Variants in CSTF3 observed in about 807,000 individuals in gnomAD.
The protein encoded by CSTF3 is cleavage stimulation factor subunit 3.
In CSTF3, 29 loss-of-function variants were observed where a neutral mutation model predicts 105.8. The observed-to-expected ratio is 0.27, with a 90% CI of 0.20 to 0.37. The LOEUF (loss-of-function observed/expected upper bound fraction) is 0.37, where lower values mean the gene tolerates loss of function less well. CSTF3 is among the 10% of genes least tolerant of loss of function. The pLI is 1.00. For synonymous variants in CSTF3, 252 were observed against 281.9 expected (o/e 0.89, Z 1.06); for missense variants, 357 against 879.3 (o/e 0.41, Z 7.51).
At chr11:33,091,743 C>T (rs1855171398) in intron 16 of CSTF3, among the ~76,000 whole-genome samples, 1 of 152,280 alleles carries the variant, frequency 6.6e-6, no homozygotes, top group Admixed American at 6.5e-5. Context: ...GAGTCTCACT[C>T]TGTCACCCAG....
At chr11:33,093,504 T>C (rs1855188843) in intron 15 of CSTF3, among the ~76,000 whole-genome samples, 1 of 152,150 alleles carries the variant, frequency 6.6e-6, no homozygotes, top group Non-Finnish European at 1.5e-5. Flanking sequence ...AGCAATATAA[T>C]ACAAGCCACA....
intron 3 of CSTF3, among the ~76,000 whole-genome samples, chr11:33,117,811 A>T (rs1182726804): frequency 6.6e-6 from 1 of 151,960 alleles, no homozygotes. Flanking sequence ...ATACACACCC[A>T]CAGGAACTTT....
chr11:33,155,743 T>C lies in CSTF3; in HGVS notation c.27+5556A>G, dbSNP rs1377673589. 1.4e-4 allele frequency among the ~76,000 whole-genome samples: 22 copies of C among 152,198 alleles called. No individual in the cohort carries two copies. The East Asian group carries it at 4.1e-3, about 28-fold the overall frequency. ...CTTTTTTAGCCCAATTCTCACACCA[T>C]TACCAACTGTCCAACAAAACAAAAC... On this transcript the variant is annotated intron_variant, in intron 1 of 20. Transcript: ENST00000323959.
At position 33,090,634 on chromosome 11, in the gene CSTF3, T is replaced by C; in HGVS notation, c.1539A>G (p.Lys513=). 6.2e-7 allele frequency: 1 copy of C among 1,612,856 alleles called. No individual in the cohort carries two copies. The highest frequency in any genetic ancestry group is 8.5e-7 in the Non-Finnish European group (1 of 1,179,466). ...CCGTTTCTTTCCCTTCATACTCTTC[T>C]TTGAATGCTGTAAACCGTCTTTTCT... ...KVEKRRFTAF[K]EEYEGKETAL... Residue 513 remains lysine, a synonymous_variant, in exon 17 of 21, where the codon AAA becomes AAG. Transcript: ENST00000323959.
intron 1 of CSTF3, among the ~76,000 whole-genome samples, chr11:33,157,281 G>C (rs1796891551): frequency 6.6e-6 from 1 of 152,128 alleles, no homozygotes; most frequent in Admixed American, 6.6e-5. Context: ...CTTGAACCTG[G>C]GAGGCGGAGG....
intron 10 of CSTF3, 137 bp downstream of exon 10, chr11:33,102,040 A>G: frequency 1.7e-6 from 1 of 593,412 alleles, no homozygotes; most frequent in South Asian, 3.0e-5. Context: ...GAATATGGAG[A>G]TAGATCTATA....
intron 10 of CSTF3, among the ~76,000 whole-genome samples, chr11:33,101,590 G>A (rs927178): frequency 0.56 from 84,634 of 152,084 alleles, 26,155 homozygotes; most frequent in Non-Finnish European, 0.69. Flanking sequence ...TCTGACAGTA[G>A]TATTTAACTT....
chr11:33,132,717 T>C, intron 3 of CSTF3, among the ~76,000 whole-genome samples: 1 of 152,234 alleles, frequency 6.6e-6, no homozygotes, highest in Non-Finnish European at 1.5e-5. Flanking sequence ...GTGCTAAGAA[T>C]TTCATTATTT....
At chr11:33,140,263 T>G (rs554591341) in intron 3 of CSTF3, among the ~76,000 whole-genome samples, 4 of 152,166 alleles carry the variant, frequency 2.6e-5, no homozygotes, top group Admixed American at 2.0e-4. Context: ...AGGCCTCACC[T>G]GTTTTGTGCC....
At chr11:33,145,385 C>T (rs1037733122) in intron 1 of CSTF3, among the ~76,000 whole-genome samples, 1 of 152,074 alleles carries the variant, frequency 6.6e-6, no homozygotes, top group African/African-American at 2.4e-5. Context: ...ATGATCGCAC[C>T]ACTGCACTCC....
At chr11:33,139,975 G>C (rs1855692903) in intron 3 of CSTF3, among the ~76,000 whole-genome samples, 1 of 151,968 alleles carries the variant, frequency 6.6e-6, no homozygotes, top group African/African-American at 2.4e-5. Context: ...TTACAGAATG[G>C]AGTATCTAAC....
chr11:33,137,275 T>C (rs756047690), intron 3 of CSTF3, among the ~76,000 whole-genome samples: 2 of 151,758 alleles, frequency 1.3e-5, no homozygotes, highest in Non-Finnish European at 3.0e-5. Flanking sequence ...CATAAAAGAA[T>C]TATCTAGAAA....
intron 15 of CSTF3, among the ~76,000 whole-genome samples, chr11:33,095,276 G>C (rs1299214205): frequency 6.6e-6 from 1 of 152,188 alleles, no homozygotes; most frequent in Non-Finnish European, 1.5e-5. Context: ...ACAGTGGCGT[G>C]ATCACAGCTC....
At chr11:33,092,205 T>G (rs374946238) in intron 16 of CSTF3, 66 bp downstream of exon 16, 1 of 1,133,476 alleles carries the variant, frequency 8.8e-7, no homozygotes, top group Non-Finnish European at 1.3e-6. Context: ...ATTCACCCCA[T>G]AGACCACAAT....
At position 33,156,320 on chromosome 11, in the gene CSTF3, C is replaced by G. The variant is rs557235691; in HGVS notation, c.27+4979G>C. Among the ~76,000 whole-genome samples the G allele has an allele frequency of 3.3e-5, 5 of 152,256 alleles. No individual in the cohort carries two copies. In the South Asian group the frequency reaches 1.0e-3, roughly 32 times the overall value. On this transcript the variant is annotated intron_variant, in intron 1 of 20. Transcript: ENST00000323959. Reference sequence around the variant, plus strand: ...TGGCTCTTTCTCTGCCTCTTCTAACCCCTACACATATATGCACCTTGACTA... The same window carrying G: ...TGGCTCTTTCTCTGCCTCTTCTAACGCCTACACATATATGCACCTTGACTA...
At chr11:33,154,163 C>G (rs939744672) in intron 1 of CSTF3, among the ~76,000 whole-genome samples, 1 of 152,132 alleles carries the variant, frequency 6.6e-6, no homozygotes, top group Non-Finnish European at 1.5e-5. Context: ...CTGTTTCAAA[C>G]GAAGATTCTC....
At chr11:33,131,167 T>G (rs1855594824) in intron 3 of CSTF3, among the ~76,000 whole-genome samples, 2 of 152,214 alleles carry the variant, frequency 1.3e-5, no homozygotes, top group African/African-American at 2.4e-5. Context: ...TAAAAAACTA[T>G]GGAAGTATGG....
At chr11:33,152,883 G>C (rs1040284327) in intron 1 of CSTF3, among the ~76,000 whole-genome samples, 1 of 151,950 alleles carries the variant, frequency 6.6e-6, no homozygotes, top group Non-Finnish European at 1.5e-5. Context: ...GCTTGAACCC[G>C]GGAGGTGGAG....
At chr11:33,152,968 T>A (rs1002985105) in intron 1 of CSTF3, among the ~76,000 whole-genome samples, 5 of 151,140 alleles carry the variant, frequency 3.3e-5, no homozygotes, top group Admixed American at 1.3e-4. Flanking sequence ...AAAAAAAAAA[T>A]AACAATAATA....
Sources: allele counts gnomAD v4.1 joint callset (sites outside exome capture counted in the v4.1 genomes callset), GRCh38; gene constraint gnomAD v4.1.1; transcripts MANE v1.5; gene names NCBI Gene and HGNC (gene_info 2026-07-23, HGNC 2026-07-21).